The following CNGB3 variants were observed in gnomAD, a reference collection of about 807,000 sequenced individuals.
CNGB3 encodes cyclic nucleotide-gated channel beta-3.
A neutral mutation model predicts 92.8 loss-of-function variants in CNGB3; 86 were observed. The ratio of observed to expected loss-of-function variants is 0.93; its 90% confidence interval spans 0.78 to 1.11. CNGB3 has a LOEUF of 1.11. Among genes scored for constraint, CNGB3 ranks in the 50% least tolerant of loss-of-function variants. The pLI is 0.00. For missense variants in CNGB3, 1,026 were observed against 956.8 expected (o/e 1.07, Z -0.95); for synonymous variants, 333 against 332.7 (o/e 1.00, Z -0.01).
chr8:86,694,603 G>A (rs1332916633), intron 3 of CNGB3, among the ~76,000 whole-genome samples: 7 of 150,134 alleles, frequency 4.7e-5, no homozygotes, highest in Admixed American at 2.0e-4. Context: ...GGGCAGAGAC[G>A]CTCCTCACCT....
intron 6 of CNGB3, chr8:86,661,756 G>A (rs1334502760): frequency 2.5e-6 from 4 of 1,587,334 alleles, no homozygotes; most frequent in Non-Finnish European, 3.5e-6. Flanking sequence ...ACATCCAGGT[G>A]CTTAGGAAGG....
chr8:86,676,529 T>C (rs1823972008), intron 3 of CNGB3, among the ~76,000 whole-genome samples: 1 of 152,180 alleles, frequency 6.6e-6, no homozygotes, highest in Non-Finnish European at 1.5e-5. Context: ...TGATTAGCTA[T>C]GCTTTGGAAG....
chr8:86,633,418 G>C (rs1470775589), intron 10 of CNGB3, among the ~76,000 whole-genome samples: 1 of 152,174 alleles, frequency 6.6e-6, no homozygotes, highest in East Asian at 1.9e-4. Context: ...TGGAACAGTA[G>C]AGGGTGGCTG....
chr8:86,672,049 T>C (rs542048507), intron 3 of CNGB3, among the ~76,000 whole-genome samples: 260 of 152,342 alleles, frequency 1.7e-3, no homozygotes, highest in African/African-American at 5.8e-3. Flanking sequence ...ATTTGTTATG[T>C]GGCAATAGAA....
intron 3 of CNGB3, among the ~76,000 whole-genome samples, chr8:86,685,504 C>G (rs992657795): frequency 2.6e-5 from 4 of 152,138 alleles, no homozygotes; most frequent in Admixed American, 2.6e-4. Flanking sequence ...CTTCCTCCCC[C>G]ACAAAGCTTA....
chr8:86,742,072 A>C (rs1037933071), intron 1 of CNGB3, among the ~76,000 whole-genome samples: 6 of 152,232 alleles, frequency 3.9e-5, no homozygotes, highest in African/African-American at 1.4e-4. Context: ...GATTAAATAC[A>C]GTAGCCCTAG....
chr8:86,654,435 T>A (rs1823464585), intron 6 of CNGB3, among the ~76,000 whole-genome samples: 1 of 152,098 alleles, frequency 6.6e-6, no homozygotes, highest in Non-Finnish European at 1.5e-5. Context: ...AGGATATCCT[T>A]TATGGCACTT....
In CNGB3 at chr8:86,670,990, C is replaced by T. The variant is rs1188741618; in HGVS notation, c.447G>A (p.Lys149=). ...MRQRTALYKK[K]LVEGDLSSPE... ...GTGAGGAGAGATCTCCCTCTACCAA[C>T]TTTTTCTTGTAGAGGGCTGTTCTTT... is the stretch of plus-strand genomic sequence containing the variant. The change falls in exon 4 of 18, where the codon AAG becomes AAA. Residue 149 remains lysine, a synonymous_variant. Transcript: ENST00000320005. 2.5e-6 allele frequency: 4 copies of T among 1,613,200 alleles called. No individual in the cohort carries two copies. The Admixed American group carries it at 5.0e-5, about 20-fold the overall frequency.
intron 2 of CNGB3, among the ~76,000 whole-genome samples, chr8:86,729,635 A>T (rs971208693): frequency 6.6e-6 from 1 of 152,200 alleles, no homozygotes; most frequent in African/African-American, 2.4e-5. Flanking sequence ...ACAACAACTT[A>T]AAAAACCCAT....
At chr8:86,619,952 C>T (rs536168674) in intron 13 of CNGB3, among the ~76,000 whole-genome samples, 1 of 152,108 alleles carries the variant, frequency 6.6e-6, no homozygotes, top group Admixed American at 6.5e-5. Context: ...AGCTCCTGGG[C>T]TCAGGCAATC....
chr8:86,614,163 C>G (rs189091186), intron 13 of CNGB3, among the ~76,000 whole-genome samples: 161 of 152,124 alleles, frequency 1.1e-3, no homozygotes, highest in Non-Finnish European at 2.1e-3. Flanking sequence ...TTCCAGTTCT[C>G]TACCTCTTCC....
chr8:86,622,216 C>T (rs993062966), intron 13 of CNGB3, among the ~76,000 whole-genome samples: 12 of 152,108 alleles, frequency 7.9e-5, no homozygotes, highest in African/African-American at 2.9e-4. Flanking sequence ...ATGGAGTTTA[C>T]AGTTGAGTGT....
intron 13 of CNGB3, among the ~76,000 whole-genome samples, chr8:86,624,829 T>C (rs1397593549): frequency 6.6e-6 from 1 of 152,194 alleles, no homozygotes; most frequent in Admixed American, 6.6e-5. Flanking sequence ...ATGTTGGACG[T>C]GGAGCCTGGT....
At chr8:86,740,336 G>A (rs553742647) in intron 1 of CNGB3, among the ~76,000 whole-genome samples, 9 of 152,284 alleles carry the variant, frequency 5.9e-5, no homozygotes, top group South Asian at 2.1e-4. Context: ...TGTAGGTGAC[G>A]AATCAATGTC....
chr8:86,608,985 C>G (rs1822466918), intron 14 of CNGB3, among the ~76,000 whole-genome samples: 1 of 152,174 alleles, frequency 6.6e-6, no homozygotes, highest in Admixed American at 6.5e-5. Flanking sequence ...TCTACACTCT[C>G]TCATCGCCGC....
intron 3 of CNGB3, among the ~76,000 whole-genome samples, chr8:86,678,425 A>G (rs546774072): frequency 6.6e-6 from 1 of 152,268 alleles, no homozygotes; most frequent in Non-Finnish European, 1.5e-5. Context: ...TGTTTATCAC[A>G]TTTCACTTGT....
intron 3 of CNGB3, among the ~76,000 whole-genome samples, chr8:86,690,598 A>G (rs1441047541): frequency 3.3e-5 from 5 of 152,088 alleles, no homozygotes; most frequent in African/African-American, 1.2e-4. Flanking sequence ...TTTTGTTGCC[A>G]TTGCTTTTGG....
intron 3 of CNGB3, among the ~76,000 whole-genome samples, chr8:86,711,599 A>G (rs979540133): frequency 2.0e-5 from 3 of 151,956 alleles, no homozygotes; most frequent in Non-Finnish European, 4.4e-5. Context: ...AGGACCACAA[A>G]CTGCCTATAG....
intron 6 of CNGB3, chr8:86,660,195 G>C (rs1265824516): frequency 3.4e-6 from 1 of 292,008 alleles, no homozygotes; most frequent in Non-Finnish European, 7.0e-6. Context: ...CTCCTTTTTT[G>C]CTCTTGTACC....
Sources: allele counts gnomAD v4.1 joint callset (sites outside exome capture counted in the v4.1 genomes callset), GRCh38; gene constraint gnomAD v4.1.1; transcripts MANE v1.5; gene names NCBI Gene and HGNC (gene_info 2026-07-23, HGNC 2026-07-21).